Variants in DENND2C observed in about 807,000 individuals in gnomAD.
The protein encoded by DENND2C is DENN domain-containing protein 2C.
DENND2C carries 72 observed loss-of-function variants against 112.4 expected under a neutral mutation model. The observed-to-expected ratio is 0.64, with a 90% CI of 0.53 to 0.78. The LOEUF (loss-of-function observed/expected upper bound fraction) is 0.78. Among genes scored for constraint, DENND2C ranks in the 30% least tolerant of loss-of-function variants. The pLI, the probability that DENND2C is intolerant of heterozygous loss-of-function variation, is 0.00. For synonymous variants in DENND2C, 329 were observed against 381.6 expected, an observed-to-expected ratio of 0.86 and a Z score of 1.61; for missense variants, 992 against 1,113.8, an observed-to-expected ratio of 0.89 and a Z score of 1.56.
chr1:114,636,577 G>A (rs186298350), intron 3 of DENND2C, among the ~76,000 whole-genome samples: 24 of 152,026 alleles, frequency 1.6e-4, no homozygotes, highest in Non-Finnish European at 2.9e-5. Flanking sequence ...AGGTGGGAAT[G>A]GGGGGAGGAC....
chr1:114,596,545 C>T (rs1034446443), intron 16 of DENND2C, among the ~76,000 whole-genome samples: 5 of 151,928 alleles, frequency 3.3e-5, no homozygotes, highest in African/African-American at 4.8e-5. Context: ...TTTAAATATG[C>T]CCTTATGTTA....
At position 114,585,661 on chromosome 1, in the gene DENND2C, T is replaced by G. The variant is rs758888889; in HGVS notation, c.2756-30A>C. On this transcript the variant is annotated intron_variant, in intron 20 of 20. Coordinates refer to ENST00000393274, the MANE Select transcript of DENND2C (RefSeq NM_001256404.2). ...AGGGAAAGAAAAGTACAGTGAATGCTCAATTCATTTTTATTTATTGTACAT... is the reference window on the plus strand; with the variant it reads ...AGGGAAAGAAAAGTACAGTGAATGCGCAATTCATTTTTATTTATTGTACAT... The G allele has an allele frequency of 1.9e-6, 3 of 1,607,002 alleles. No homozygotes were observed. The South Asian group carries it at 3.3e-5, about 18-fold the overall frequency.
At chr1:114,642,338 C>A (rs191323946) in intron 3 of DENND2C, among the ~76,000 whole-genome samples, 52 of 152,216 alleles carry the variant, frequency 3.4e-4, no homozygotes, top group Non-Finnish European at 6.2e-4. Context: ...GGTCTTTCAC[C>A]CTCTAATTCA....
intron 17 of DENND2C, among the ~76,000 whole-genome samples, chr1:114,594,865 T>C (rs1405878479): frequency 1.3e-5 from 2 of 152,228 alleles, no homozygotes; most frequent in African/African-American, 2.4e-5. Context: ...CCACAAATAG[T>C]GTTTCAAACA....
intron 15 of DENND2C, among the ~76,000 whole-genome samples, chr1:114,599,891 C>T (rs1655445638): frequency 6.6e-6 from 1 of 150,940 alleles, no homozygotes; most frequent in South Asian, 2.1e-4. Flanking sequence ...AATTTTTGTT[C>T]TCACTCATAG....
At chr1:114,614,457 A>G (rs1655902080) in intron 8 of DENND2C, among the ~76,000 whole-genome samples, 1 of 152,232 alleles carries the variant, frequency 6.6e-6, no homozygotes, top group African/African-American at 2.4e-5. Context: ...AGTTGGTCAC[A>G]GAGGTAGGTA....
chr1:114,619,213 C>T (rs535984054), intron 7 of DENND2C, among the ~76,000 whole-genome samples: 1 of 152,190 alleles, frequency 6.6e-6, no homozygotes, highest in Admixed American at 6.5e-5. Context: ...GAGACACACA[C>T]AGAATGCGGT....
intron 16 of DENND2C, among the ~76,000 whole-genome samples, chr1:114,597,171 C>T (rs2101645283): frequency 6.6e-6 from 1 of 152,276 alleles, no homozygotes; most frequent in South Asian, 2.1e-4. Flanking sequence ...ACGCCAGGCG[C>T]AGTGGCTCAC....
chr1:114,594,034 T>C (rs899078784), intron 18 of DENND2C, among the ~76,000 whole-genome samples: 2 of 152,174 alleles, frequency 1.3e-5, no homozygotes, highest in East Asian at 3.9e-4. Context: ...GTACTAGAGA[T>C]AGAGAACAAA....
At chr1:114,628,852 TC>T (rs1217677533) in intron 3 of DENND2C, among the ~76,000 whole-genome samples, 2 of 152,232 alleles carry the variant, frequency 1.3e-5, no homozygotes, top group African/African-American at 4.8e-5. Flanking sequence ...CCATTCCTCA[TC>T]TTCCCAGTTT....
chr1:114,590,251 G>C (rs1007937453), intron 18 of DENND2C, among the ~76,000 whole-genome samples: 2 of 152,086 alleles, frequency 1.3e-5, no homozygotes, highest in Non-Finnish European at 2.9e-5. Flanking sequence ...TTAGCTGAGC[G>C]TGGTGGCACA....
chr1:114,599,693 G>A (rs895749370), intron 15 of DENND2C, among the ~76,000 whole-genome samples: 1 of 152,002 alleles, frequency 6.6e-6, no homozygotes, highest in Non-Finnish European at 1.5e-5. Context: ...ACTTAGAAAA[G>A]TATTACCAAC....
chr1:114,637,384 A>AAAAAG (rs1557954061), intron 3 of DENND2C, among the ~76,000 whole-genome samples: 16 of 149,672 alleles, frequency 1.1e-4, no homozygotes, highest in Non-Finnish European at 1.9e-4. Context: ...AAAAAAAAAA[A>AAAAAG]AAAAGAAAAG....
chr1:114,644,817 G>C (rs1570802616), intron 3 of DENND2C, among the ~76,000 whole-genome samples: 1 of 152,038 alleles, frequency 6.6e-6, no homozygotes, highest in East Asian at 1.9e-4. Context: ...CTACCTTCAG[G>C]ATAGAAAGAC....
intron 8 of DENND2C, among the ~76,000 whole-genome samples, chr1:114,616,565 A>T (rs374852922): frequency 6.6e-6 from 1 of 152,210 alleles, no homozygotes; most frequent in South Asian, 2.1e-4. Flanking sequence ...TGATAAAGAC[A>T]TACCCAAGGC....
At chr1:114,617,012 C>G (rs1223101812) in intron 8 of DENND2C, among the ~76,000 whole-genome samples, 1 of 152,042 alleles carries the variant, frequency 6.6e-6, no homozygotes, top group African/African-American at 2.4e-5. Context: ...ATGCAGAAAC[C>G]CCTGATAAAC....
At chr1:114,664,466 T>C (rs992622831) in intron 1 of DENND2C, among the ~76,000 whole-genome samples, 3 of 151,734 alleles carry the variant, frequency 2.0e-5, no homozygotes, top group South Asian at 2.1e-4. Context: ...AAAAAATTTA[T>C]GTATTTATTT....
Position 114,585,522 on chromosome 1 carries a change from C to A in DENND2C, c.*78G>T. 1 of 1,491,624 alleles carries A rather than the reference C, an allele frequency of 6.7e-7. No homozygotes were observed. The highest frequency in any genetic ancestry group is 9.3e-7 in the Non-Finnish European group (1 of 1,078,656). 92.4% of individuals were successfully genotyped at this position (1,491,624 alleles called of 1,614,324 possible). ...ATTTCAAGAATTTTGTAGAATACTT[C>A]ATGGGATCCTGACCCTTAGAAAAAT... On this transcript the variant is annotated 3_prime_UTR_variant, in exon 21 of 21. Coordinates refer to ENST00000393274, the MANE Select transcript of DENND2C (RefSeq NM_001256404.2).
intron 10 of DENND2C, 149 bp downstream of exon 10, chr1:114,608,537 C>T (rs1274769640): frequency 2.0e-5 from 16 of 805,436 alleles, no homozygotes; most frequent in Non-Finnish European, 3.1e-5. Flanking sequence ...TCATACCTAA[C>T]ATAAGATGTT....
Sources: allele counts gnomAD v4.1 joint callset (sites outside exome capture counted in the v4.1 genomes callset), GRCh38; gene constraint gnomAD v4.1.1; transcripts MANE v1.5; gene names NCBI Gene and HGNC (gene_info 2026-07-23, HGNC 2026-07-21).